The following MED13L variants were observed in gnomAD, a reference collection of about 807,000 sequenced individuals.
The protein encoded by MED13L is mediator of RNA polymerase II transcription subunit 13-like.
In MED13L, 7 loss-of-function variants were observed where a neutral mutation model predicts 220.9. The observed-to-expected ratio is 0.03, with a 90% CI of 0.02 to 0.06. MED13L has a LOEUF of 0.06. Ranked by LOEUF, MED13L falls within the 10% of genes least tolerant of loss-of-function variation. MED13L has a pLI of 1.00. For synonymous variants in MED13L, 1,011 were observed against 1,015.2 expected (o/e 1.00, Z 0.08); for missense variants, 1,965 against 2,760.5 (o/e 0.71, Z 6.46).
chr12:116,067,583 TGACAA>T (rs1870045084), intron 4 of MED13L, among the ~76,000 whole-genome samples: 1 of 152,146 alleles, frequency 6.6e-6, no homozygotes, highest in South Asian at 2.1e-4. Flanking sequence ...GTGATAAACC[TGACAA>T]AACAAGCAAA....
chr12:116,065,358 C>A (rs1869840667), intron 4 of MED13L, among the ~76,000 whole-genome samples: 1 of 151,966 alleles, frequency 6.6e-6, no homozygotes, highest in South Asian at 2.1e-4. Context: ...CACACATATG[C>A]ATATATATGC....
At position 115,983,165 on chromosome 12, in the gene MED13L, G is replaced by A. The variant is rs140287114; in HGVS notation, c.4907C>T (p.Thr1636Ile). The change falls in exon 21 of 31, where the codon ACT becomes ATT. Residue 1636 changes from threonine (T) to isoleucine (I), a missense_variant. Physicochemically the swap from Thr to Ile is moderately conservative, Grantham distance 89. This residue lies in a region of MED13L where 510 missense variants were observed against 620.4 expected (regional missense o/e 0.82). Transcript: ENST00000281928. ...TQGNIGCGGD[T>I]DPGQSSSQPS... is the part of the protein sequence containing the mutation. ...CTGAGAAGAGCTCTGCCCAGGGTCAGTGTCTCCACCACAGCCTATGTTCCC... is the reference window on the plus strand; with the variant it reads ...CTGAGAAGAGCTCTGCCCAGGGTCAATGTCTCCACCACAGCCTATGTTCCC... 1.6e-5 allele frequency: 26 copies of A among 1,614,032 alleles called. No homozygotes were observed. The highest frequency in any genetic ancestry group is 2.0e-5 in the Non-Finnish European group (24 of 1,180,014).
At chr12:116,040,411 T>C (rs1473036513) in intron 4 of MED13L, among the ~76,000 whole-genome samples, 2 of 152,214 alleles carry the variant, frequency 1.3e-5, no homozygotes, top group East Asian at 1.9e-4. Context: ...CTGATTAATA[T>C]CACAACCTGA....
At chr12:116,115,404 C>A (rs1874421640) in intron 2 of MED13L, among the ~76,000 whole-genome samples, 1 of 151,890 alleles carries the variant, frequency 6.6e-6, no homozygotes, top group Non-Finnish European at 1.5e-5. Flanking sequence ...TCTAAAAATA[C>A]ATAGGAGATA....
intron 2 of MED13L, among the ~76,000 whole-genome samples, chr12:116,142,207 C>T (rs1877138623): frequency 1.3e-5 from 2 of 152,162 alleles, no homozygotes; most frequent in Non-Finnish European, 2.9e-5. Flanking sequence ...TACTTCTTTA[C>T]TATCTTCTCT....
chr12:116,276,565 C>T (rs576326360), intron 1 of MED13L: 154 of 1,244,888 alleles, frequency 1.2e-4, no homozygotes, highest in Non-Finnish European at 1.5e-4. Context: ...ATTCAATCAA[C>T]TATTTTAGGG....
chr12:116,220,514 T>C (rs1479078553), intron 2 of MED13L, among the ~76,000 whole-genome samples: 1 of 152,066 alleles, frequency 6.6e-6, no homozygotes, highest in African/African-American at 2.4e-5. Flanking sequence ...GCCTGGCCAT[T>C]ATGGCGAAAC....
At chr12:116,036,564 G>A (rs1006818145) in intron 4 of MED13L, among the ~76,000 whole-genome samples, 1 of 152,158 alleles carries the variant, frequency 6.6e-6, no homozygotes, top group East Asian at 1.9e-4. Flanking sequence ...TTTTCATGGT[G>A]TAAAAGTGTT....
chr12:116,096,855 C>G, intron 3 of MED13L, 103 bp from the exon 4 acceptor site: 2 of 821,036 alleles, frequency 2.4e-6, no homozygotes, highest in Non-Finnish European at 4.1e-6. Context: ...AATAAAAACA[C>G]CACCAATTAA....
chr12:116,019,195 T>G, intron 7 of MED13L, 29 bp downstream of exon 7: 1 of 1,599,230 alleles, frequency 6.3e-7, no homozygotes, highest in Non-Finnish European at 8.5e-7. Context: ...AGATCTCTTC[T>G]CCCCAGGACA....
rs571434340 is a variant in MED13L at position 116,134,607 on chromosome 12, G to C, written c.311-23095C>G. On this transcript the variant is annotated intron_variant, in intron 2 of 30. Coordinates refer to ENST00000281928, the MANE Select transcript of MED13L (RefSeq NM_015335.5). ...CATAAAACTTTCATTTTAGTTGAGA[G>C]AGGCAGAGAGTAATAATTTTACTTA... Among the ~76,000 whole-genome samples, 5 of 152,260 alleles carry C rather than the reference G, an allele frequency of 3.3e-5. No homozygotes were observed. In the South Asian group the frequency reaches 1.0e-3, roughly 32 times the overall value.
At chr12:116,132,821 G>A (rs1876191190) in intron 2 of MED13L, among the ~76,000 whole-genome samples, 1 of 151,998 alleles carries the variant, frequency 6.6e-6, no homozygotes, top group South Asian at 2.1e-4. Context: ...TCAGGAGACT[G>A]AGGCAGGAGA....
intron 2 of MED13L, among the ~76,000 whole-genome samples, chr12:116,213,050 C>T (rs1007810964): frequency 6.6e-6 from 1 of 152,114 alleles, no homozygotes; most frequent in African/African-American, 2.4e-5. Flanking sequence ...AAGTCTTATG[C>T]GCGAAGAAAA....
chr12:116,271,243 T>C (rs1411756259), intron 1 of MED13L, among the ~76,000 whole-genome samples: 3 of 151,804 alleles, frequency 2.0e-5, no homozygotes, highest in Non-Finnish European at 4.4e-5. Context: ...TAGAATACTA[T>C]ACAGACTTTT....
chr12:116,276,562 C>T, intron 1 of MED13L: 4 of 1,246,286 alleles, frequency 3.2e-6, no homozygotes, highest in Non-Finnish European at 4.1e-6. Flanking sequence ...CGCATTCAAT[C>T]AACTATTTTA....
intron 2 of MED13L, among the ~76,000 whole-genome samples, chr12:116,180,071 A>G (rs1044577014): frequency 1.3e-5 from 2 of 152,208 alleles, no homozygotes; most frequent in African/African-American, 4.8e-5. Context: ...TGTTGCAATT[A>G]ATTAAGCTAC....
rs1880039860 is a variant in MED13L at position 116,021,176 on chromosome 12, C to T, written c.626-1204G>A. 3.3e-5 allele frequency among the ~76,000 whole-genome samples: 5 copies of T among 152,238 alleles called. No homozygotes were observed. In the South Asian group the frequency reaches 1.0e-3, roughly 32 times the overall value. ...GGAAAATAAGCAGAATAATGCTCCA[C>T]AAAAGTATTCTATGACTTCCATCAG... is the stretch of plus-strand genomic sequence containing the variant. On this transcript the variant is annotated intron_variant, in intron 5 of 30. Transcript: ENST00000281928.
intron 2 of MED13L, among the ~76,000 whole-genome samples, chr12:116,200,106 A>G (rs530561847): frequency 1.3e-4 from 19 of 152,000 alleles, no homozygotes; most frequent in South Asian, 1.2e-3. Flanking sequence ...GGAGAAGAAG[A>G]AGGAAAAAGC....
intron 2 of MED13L, among the ~76,000 whole-genome samples, chr12:116,170,645 G>A (rs558021872): frequency 6.8e-6 from 1 of 147,230 alleles, no homozygotes; most frequent in South Asian, 2.1e-4. Context: ...CTGTTGCCCA[G>A]GCTAGGGTAC....
Sources: gnomAD v4.1 joint callset for allele counts (sites outside exome capture counted in the v4.1 genomes callset) on GRCh38, gnomAD v4.1.1 for gene constraint, gnomAD v4.1.1 regional missense constraint, MANE v1.5 for transcripts, NCBI Gene and HGNC (gene_info 2026-07-23, HGNC 2026-07-21) for gene names.